Variants in SORCS3 observed in about 807,000 individuals in gnomAD.
SORCS3 encodes the protein VPS10 domain-containing receptor SorCS3.
In SORCS3, 57 loss-of-function variants were observed where a neutral mutation model predicts 146.3. The ratio of observed to expected loss-of-function variants is 0.39; its 90% CI spans 0.31 to 0.49. The LOEUF is 0.49. Ranked by LOEUF, SORCS3 falls within the 20% of genes least tolerant of loss-of-function variation. The probability of loss-of-function intolerance (pLI) is 0.92; values close to 1 mark genes in which losing one functional copy is unlikely to be tolerated. For missense variants in SORCS3, 1,341 were observed against 1,575.5 expected (o/e 0.85, Z 2.52); for synonymous variants, 653 against 618.5 (o/e 1.06, Z -0.83).
At chr10:105,073,753 G>A (rs148038949) in intron 5 of SORCS3, among the ~76,000 whole-genome samples, 3 of 152,076 alleles carry the variant, frequency 2.0e-5, no homozygotes, top group Non-Finnish European at 4.4e-5. Context: ...GGACTGGGTG[G>A]GGGTGTGGCA....
chr10:105,167,459 C>T lies in SORCS3; in HGVS notation c.1901+110C>T, dbSNP rs1589667549. On this transcript the variant is annotated intron_variant, in intron 13 of 26. Transcript: ENST00000369701. ...TGTACCCATTTGTACATTTCCTCAT[C>T]CATTTATTTATCCATCCATCCATTT... The T allele has an allele frequency of 6.7e-6, 5 of 744,304 alleles. No individual in the cohort carries two copies. In the East Asian group the frequency reaches 1.3e-4, roughly 20 times the overall value. The allele number at this position is 744,304 out of a possible 1,614,324, so 46.1% of individuals were successfully genotyped here.
At chr10:104,670,244 C>T (rs551840583) in intron 1 of SORCS3, among the ~76,000 whole-genome samples, 120 of 152,090 alleles carry the variant, frequency 7.9e-4, no homozygotes, top group African/African-American at 2.8e-3. Flanking sequence ...CAATTTTTCT[C>T]TTTTGTTGGC....
At position 105,139,410 on chromosome 10, in the gene SORCS3, G is replaced by A. The variant is rs1234740080; in HGVS notation, c.1226G>A (p.Gly409Glu). 3 of 1,613,410 alleles carry A rather than the reference G, an allele frequency of 1.9e-6. No homozygotes were observed. The highest frequency in any genetic ancestry group is 3.3e-5 in the Admixed American group (2 of 59,996). The part of the protein sequence containing the change: ...EYIFIQVTTS[G>E]RASYYVSYRR... ...CCCACAATCTAGGTAACAACTAGTG[G>A]AAGAGCCAGCTACTACGTGTCTTAT... The change falls in exon 8 of 27, where the codon GGA (glycine) becomes GAA (glutamate). Residue 409 changes from glycine (G) to glutamate (E), a missense_variant. Transcript: ENST00000369701.
intron 1 of SORCS3, among the ~76,000 whole-genome samples, chr10:104,833,346 G>T (rs1049751114): frequency 6.6e-6 from 1 of 152,142 alleles, no homozygotes; most frequent in Non-Finnish European, 1.5e-5. Context: ...TTCTTATGTT[G>T]GTAGATTGGG....
chr10:105,190,667 G>A (rs1346181551), intron 14 of SORCS3, among the ~76,000 whole-genome samples: 1 of 152,158 alleles, frequency 6.6e-6, no homozygotes, highest in African/African-American at 2.4e-5. Flanking sequence ...CTCCCAAAGT[G>A]CTGGGATTTC....
At chr10:105,014,259 G>A (rs1284518642) in intron 4 of SORCS3, among the ~76,000 whole-genome samples, 1 of 151,714 alleles carries the variant, frequency 6.6e-6, no homozygotes, top group African/African-American at 2.4e-5. Flanking sequence ...GTTAACAGAT[G>A]TAAAAAGCAA....
At chr10:104,820,350 A>G (rs2017858733) in intron 1 of SORCS3, among the ~76,000 whole-genome samples, 1 of 152,180 alleles carries the variant, frequency 6.6e-6, no homozygotes, top group Non-Finnish European at 1.5e-5. Context: ...TACTTGCATT[A>G]TTGTCATTAA....
At chr10:104,745,114 G>T (rs887449253) in intron 1 of SORCS3, among the ~76,000 whole-genome samples, 5 of 152,186 alleles carry the variant, frequency 3.3e-5, no homozygotes, top group Non-Finnish European at 7.3e-5. Context: ...CATTTGCATG[G>T]TGAACGTGGC....
intron 1 of SORCS3, among the ~76,000 whole-genome samples, chr10:104,687,369 G>A (rs2016057358): frequency 6.6e-6 from 1 of 152,190 alleles, no homozygotes; most frequent in Non-Finnish European, 1.5e-5. Context: ...GCAACTGGAT[G>A]AATGGAAAAA....
At chr10:104,882,838 AG>A (rs2018644809) in intron 2 of SORCS3, among the ~76,000 whole-genome samples, 1 of 152,246 alleles carries the variant, frequency 6.6e-6, no homozygotes, top group African/African-American at 2.4e-5. Context: ...CATTTGTACT[AG>A]AAAAAGGAAT....
intron 4 of SORCS3, among the ~76,000 whole-genome samples, chr10:105,013,351 C>T (rs773369256): frequency 3.3e-5 from 5 of 151,764 alleles, no homozygotes; most frequent in Non-Finnish European, 5.9e-5. Context: ...TACTCAGAAC[C>T]ACAGCTTTAA....
At chr10:105,007,193 G>T (rs2055101551) in intron 4 of SORCS3, among the ~76,000 whole-genome samples, 1 of 152,098 alleles carries the variant, frequency 6.6e-6, no homozygotes, top group African/African-American at 2.4e-5. Context: ...TTAACCAGTT[G>T]GTTAATTAAT....
chr10:105,147,807 A>G lies in SORCS3; in HGVS notation c.1482+11A>G. 1 of 1,604,824 alleles carries G rather than the reference A, an allele frequency of 6.2e-7. No individual in the cohort carries two copies. The highest frequency in any genetic ancestry group is 1.7e-5 in the Admixed American group (1 of 59,264). On this transcript the variant is annotated intron_variant, in intron 9 of 26. Coordinates refer to ENST00000369701, the MANE Select transcript of SORCS3 (RefSeq NM_014978.3). ...ATTGAATTGTATGAGGTATGTAGCCAAAATTCTCCTTCCCTTGGGTCTGTC... is the reference window on the plus strand; with the variant it reads ...ATTGAATTGTATGAGGTATGTAGCCGAAATTCTCCTTCCCTTGGGTCTGTC...
intron 4 of SORCS3, among the ~76,000 whole-genome samples, chr10:105,001,277 C>G (rs937351604): frequency 2.0e-5 from 3 of 152,122 alleles, no homozygotes; most frequent in Non-Finnish European, 2.9e-5. Flanking sequence ...TTTCTGGAAG[C>G]AGGAAGAAAA....
Position 104,753,570 on chromosome 10 carries a change from TA to T in SORCS3, c.628-89220del, listed in dbSNP as rs2017013227. 2.6e-5 allele frequency among the ~76,000 whole-genome samples: 4 copies of T among 152,362 alleles called. No homozygotes were observed. The South Asian group carries it at 8.3e-4, about 32-fold the overall frequency. The stretch of plus-strand genomic sequence containing the variant: ...AGCTTTTAATCAAGAGCTCTTTTCC[TA>T]ATACTATACGAATGATTAACTTTGA... On this transcript the variant is annotated intron_variant, in intron 1 of 26. Coordinates refer to ENST00000369701, the MANE Select transcript of SORCS3 (RefSeq NM_014978.3).
intron 5 of SORCS3, among the ~76,000 whole-genome samples, chr10:105,059,252 G>A (rs757591535): frequency 1.3e-5 from 2 of 152,080 alleles, no homozygotes; most frequent in African/African-American, 4.8e-5. Flanking sequence ...CAGTGGAAAG[G>A]GTTGTTCCAA....
chr10:104,643,310 G>C (rs529252546), intron 1 of SORCS3, among the ~76,000 whole-genome samples: 1 of 152,314 alleles, frequency 6.6e-6, no homozygotes, highest in Non-Finnish European at 1.5e-5. Flanking sequence ...GGGATGTCCA[G>C]GATTGGGTAT....
At chr10:104,791,264 G>T (rs148078551) in intron 1 of SORCS3, among the ~76,000 whole-genome samples, 1 of 152,346 alleles carries the variant, frequency 6.6e-6, no homozygotes, top group South Asian at 2.1e-4. Context: ...GGCTCAGATG[G>T]CTGGAGGTGC....
chr10:105,212,995 A>T (rs894416752), intron 17 of SORCS3, among the ~76,000 whole-genome samples: 1 of 152,206 alleles, frequency 6.6e-6, no homozygotes, highest in African/African-American at 2.4e-5. Flanking sequence ...TAATTTTAAT[A>T]ATGTTTTCTT....
Sources: gnomAD v4.1 joint callset for allele counts (sites outside exome capture counted in the v4.1 genomes callset) on GRCh38, gnomAD v4.1.1 for gene constraint, MANE v1.5 for transcripts, NCBI Gene and HGNC (gene_info 2026-07-23, HGNC 2026-07-21) for gene names.